Variants in TESK2 observed in about 807,000 individuals in gnomAD.
TESK2 encodes the protein testis associated actin remodelling kinase 2, also known as dual specificity testis-specific protein kinase 2.
A neutral mutation model predicts 57.1 loss-of-function variants in TESK2; 39 were observed. The ratio of observed to expected loss-of-function variants is 0.68; its 90% confidence interval spans 0.53 to 0.89. The LOEUF (loss-of-function observed/expected upper bound fraction) is 0.89, where lower values mean the gene tolerates loss of function less well. TESK2 is among the 40% of genes least tolerant of loss of function. The pLI, the probability that TESK2 is intolerant of heterozygous loss-of-function variation, is 0.00. For synonymous variants in TESK2, 249 were observed against 267.9 expected, an observed-to-expected ratio of 0.93 and a Z score of 0.69; for missense variants, 646 against 732.1, an observed-to-expected ratio of 0.88 and a Z score of 1.36.
intron 4 of TESK2, among the ~76,000 whole-genome samples, chr1:45,368,193 C>T (rs751098966): frequency 5.3e-5 from 8 of 149,576 alleles, no homozygotes; most frequent in African/African-American, 9.9e-5. Flanking sequence ...ATGGGTTTCA[C>T]CATGTTGGCC....
chr1:45,483,048 G>A (rs1570778207), intron 1 of TESK2, among the ~76,000 whole-genome samples: 1 of 151,794 alleles, frequency 6.6e-6, no homozygotes, highest in East Asian at 1.9e-4. Flanking sequence ...GGGAGGCTGA[G>A]GCGGGCAGAT....
intron 1 of TESK2, among the ~76,000 whole-genome samples, chr1:45,471,224 C>T (rs1652749740): frequency 6.6e-6 from 1 of 151,884 alleles, no homozygotes; most frequent in African/African-American, 2.4e-5. Flanking sequence ...GAGCAAGACT[C>T]CGTCTCAAAA....
At chr1:45,481,058 C>A (rs1653197527) in intron 1 of TESK2, among the ~76,000 whole-genome samples, 1 of 150,400 alleles carries the variant, frequency 6.6e-6, no homozygotes, top group African/African-American at 2.4e-5. Context: ...CTGGAAAGGT[C>A]TCTAAGATAT....
chr1:45,371,131 T>A (rs1395959685), intron 4 of TESK2, among the ~76,000 whole-genome samples: 2 of 149,368 alleles, frequency 1.3e-5, no homozygotes, highest in African/African-American at 2.5e-5. Context: ...GTGGAGAAAC[T>A]GGAACCCTTA....
intron 3 of TESK2, among the ~76,000 whole-genome samples, chr1:45,404,942 A>C (rs1198898729): frequency 6.6e-6 from 1 of 152,146 alleles, no homozygotes; most frequent in Non-Finnish European, 1.5e-5. Flanking sequence ...TTTACCTCTT[A>C]AACTTTAAGC....
intron 1 of TESK2, among the ~76,000 whole-genome samples, chr1:45,460,891 T>C (rs1652305512): frequency 6.6e-6 from 1 of 152,242 alleles, no homozygotes; most frequent in African/African-American, 2.4e-5. Context: ...TAAAAGTTAA[T>C]GCTATAACCT....
At chr1:45,416,742 T>A (rs1570707295) in intron 3 of TESK2, among the ~76,000 whole-genome samples, 1 of 151,466 alleles carries the variant, frequency 6.6e-6, no homozygotes, top group African/African-American at 2.4e-5. Context: ...TCCTCCCCCA[T>A]CCCATCCACT....
At chr1:45,414,427 G>C (rs1480509932) in intron 3 of TESK2, among the ~76,000 whole-genome samples, 1 of 152,038 alleles carries the variant, frequency 6.6e-6, no homozygotes, top group Non-Finnish European at 1.5e-5. Context: ...TCTCATTTGT[G>C]GGCTTATTGG....
At chr1:45,386,689 C>T (rs1297248830) in intron 3 of TESK2, among the ~76,000 whole-genome samples, 1 of 151,500 alleles carries the variant, frequency 6.6e-6, no homozygotes, top group Non-Finnish European at 1.5e-5. Context: ...GAGTCTCACC[C>T]TGTTGCCAAG....
At chr1:45,481,980 A>T (rs183995328) in intron 1 of TESK2, among the ~76,000 whole-genome samples, 459 of 152,308 alleles carry the variant, frequency 3.0e-3, no homozygotes, top group Non-Finnish European at 5.1e-3. Flanking sequence ...TTCTGGAGCC[A>T]CCTCCTGTTG....
Position 45,348,000 on chromosome 1 carries a change from T to A in TESK2, c.541A>T (p.Asn181Tyr), listed in dbSNP as rs759220638. 30 of 1,608,410 alleles carry A rather than the reference T, an allele frequency of 1.9e-5. No individual in the cohort carries two copies. Among genetic ancestry groups the A allele is most frequent in the Non-Finnish European group, 2.6e-5 (30 of 1,174,798 alleles). The change falls in exon 6 of 11, where the codon AAC becomes TAC. Residue 181 changes from asparagine to tyrosine, a missense_variant and splice_region_variant. Transcript: ENST00000372086. ...GIFHRDLTSKNCLIKRDENGY... is the reference protein window; with the variant it reads ...GIFHRDLTSKYCLIKRDENGY... ...TTCTCATCCCTCTTTATCAGGCAGT[T>A]CTAGGGTTCCCAGGAAGGAAGAGAA...
intron 3 of TESK2, among the ~76,000 whole-genome samples, chr1:45,417,571 C>T (rs1650294020): frequency 6.6e-6 from 1 of 151,990 alleles, no homozygotes; most frequent in Admixed American, 6.6e-5. Flanking sequence ...TCTACCCAAT[C>T]TCATGGAGAT....
At position 45,457,814 on chromosome 1, in the gene TESK2, TAAG is replaced by T. The variant is rs370344052; in HGVS notation, c.-32_-30del. The stretch of plus-strand genomic sequence containing the variant: ...CTAAATAATCACTTTTTTCTTCTTT[TAAG>T]AAGGAACTCCACACATAAATTTTTG... On this transcript the variant is annotated 5_prime_UTR_variant, in exon 2 of 11. The change creates a premature stop within an existing upstream ORF in the 5' untranslated region. Transcript: ENST00000372086. 1.8e-5 allele frequency: 28 copies of T among 1,591,330 alleles called. No individual in the cohort carries two copies. The highest frequency in any genetic ancestry group is 1.7e-4 in the Middle Eastern group (1 of 6,022).
At chr1:45,436,547 T>G (rs61788262) in intron 2 of TESK2, among the ~76,000 whole-genome samples, 33,252 of 127,818 alleles carry the variant, frequency 0.26, 4,145 homozygotes, top group Middle Eastern at 0.4. Flanking sequence ...TGGAGTGCAA[T>G]GGCCCGATCT....
At chr1:45,485,433 C>T (rs1216189591) in intron 1 of TESK2, among the ~76,000 whole-genome samples, 10 of 152,058 alleles carry the variant, frequency 6.6e-5, no homozygotes, top group South Asian at 2.1e-4. Context: ...GTGATCCGCC[C>T]GCCTCGGCCT....
intron 3 of TESK2, among the ~76,000 whole-genome samples, chr1:45,397,794 T>C (rs1649427269): frequency 6.6e-6 from 1 of 152,164 alleles, no homozygotes; most frequent in East Asian, 1.9e-4. Context: ...CAAAGCTCTA[T>C]GAATCCTTAA....
chr1:45,423,729 A>T (rs1241267892), intron 2 of TESK2, among the ~76,000 whole-genome samples: 1 of 152,150 alleles, frequency 6.6e-6, no homozygotes, highest in Non-Finnish European at 1.5e-5. Context: ...TCACACTATT[A>T]CCCATATGCA....
At chr1:45,425,761 C>T (rs1324971127) in intron 2 of TESK2, among the ~76,000 whole-genome samples, 9 of 152,042 alleles carry the variant, frequency 5.9e-5, no homozygotes, top group Non-Finnish European at 5.9e-5. Flanking sequence ...TTGCAACAAT[C>T]GGTATTTTTA....
At chr1:45,383,537 G>C (rs1015858132) in intron 4 of TESK2, among the ~76,000 whole-genome samples, 2 of 152,180 alleles carry the variant, frequency 1.3e-5, no homozygotes, top group African/African-American at 4.8e-5. Context: ...AGCAGATTAA[G>C]TACAACATGG....
Sources: allele counts gnomAD v4.1 joint callset (sites outside exome capture counted in the v4.1 genomes callset), GRCh38; gene constraint gnomAD v4.1.1; transcripts MANE v1.5; gene names NCBI Gene and HGNC (gene_info 2026-07-23, HGNC 2026-07-21).